Variants in INPP4B observed in about 807,000 individuals in gnomAD.
The protein encoded by INPP4B is inositol polyphosphate 4-phosphatase type II.
A neutral mutation model predicts 122.5 loss-of-function variants in INPP4B; 55 were observed. The ratio of observed to expected loss-of-function variants is 0.45; its 90% CI spans 0.36 to 0.56. The LOEUF is 0.56. Among genes scored for constraint, INPP4B ranks in the 20% least tolerant of loss-of-function variants. The pLI is 0.00. For missense variants in INPP4B, 1,000 were observed against 1,097.7 expected, an observed-to-expected ratio of 0.91 and a Z score of 1.26; for synonymous variants, 403 against 388.7, an observed-to-expected ratio of 1.04 and a Z score of -0.43.
In INPP4B at chr4:142,299,305, G is replaced by A. The variant is rs1579650865; in HGVS notation, c.503+6153C>T. ...GCCTCTCGCATAGCTGGGACTACAA[G>A]CATGCGCCATCACACCCAGCTAATT... On this transcript the variant is annotated intron_variant, in intron 9 of 25. Transcript: ENST00000262992. Among the ~76,000 whole-genome samples the A allele has an allele frequency of 3.7e-5, 5 of 135,236 alleles. 1 individual carries two copies. The South Asian group carries it at 1.1e-3, about 30-fold the overall frequency. 88.7% of individuals were successfully genotyped at this position (135,236 alleles called of 152,430 possible).
At chr4:142,478,412 TG>T in intron 2 of INPP4B, among the ~76,000 whole-genome samples, 1 of 152,336 alleles carries the variant, frequency 6.6e-6, no homozygotes, top group Middle Eastern at 3.4e-3. Context: ...TTGTCATAAA[TG>T]GCTTTTATTA....
intron 2 of INPP4B, among the ~76,000 whole-genome samples, chr4:142,706,243 T>C (rs184974262): frequency 1.3e-5 from 2 of 152,348 alleles, no homozygotes; most frequent in East Asian, 3.8e-4. Flanking sequence ...TGAATACGCA[T>C]AGCACCTTGG....
intron 2 of INPP4B, among the ~76,000 whole-genome samples, chr4:142,475,476 T>A (rs1295357429): frequency 6.6e-6 from 1 of 152,068 alleles, no homozygotes; most frequent in Non-Finnish European, 1.5e-5. Flanking sequence ...TACCCAGAAA[T>A]GGTTCTTACC....
chr4:142,573,926 A>C (rs1022422419), intron 2 of INPP4B, among the ~76,000 whole-genome samples: 1 of 152,088 alleles, frequency 6.6e-6, no homozygotes, highest in East Asian at 1.9e-4. Context: ...GTACCTATTT[A>C]TTTGCATAGA....
At chr4:142,098,667 AT>A (rs1419025304) in intron 23 of INPP4B, among the ~76,000 whole-genome samples, 1 of 152,020 alleles carries the variant, frequency 6.6e-6, no homozygotes, top group Non-Finnish European at 1.5e-5. Flanking sequence ...AAGGGTGGCT[AT>A]TTTTTTCCCC....
intron 25 of INPP4B, among the ~76,000 whole-genome samples, chr4:142,058,129 T>G (rs1332706327): frequency 6.6e-6 from 1 of 152,166 alleles, no homozygotes; most frequent in East Asian, 1.9e-4. Flanking sequence ...CTAGGGGAAC[T>G]AAGTGCTGTT....
At chr4:142,682,281 C>T (rs1306245604) in intron 2 of INPP4B, among the ~76,000 whole-genome samples, 3 of 151,938 alleles carry the variant, frequency 2.0e-5, no homozygotes, top group Non-Finnish European at 4.4e-5. Context: ...CTCTCCCTCT[C>T]TCTCTCTTTC....
intron 21 of INPP4B, among the ~76,000 whole-genome samples, chr4:142,113,723 AAT>A (rs1323018208): frequency 6.6e-6 from 1 of 151,998 alleles, no homozygotes; most frequent in African/African-American, 2.4e-5. Context: ...GTTTTTCAGG[AAT>A]ATGAGAAGCA....
chr4:142,572,117 T>C (rs1260269371), intron 2 of INPP4B, among the ~76,000 whole-genome samples: 1 of 152,130 alleles, frequency 6.6e-6, no homozygotes, highest in African/African-American at 2.4e-5. Flanking sequence ...TCCAAAGCCG[T>C]TTGTGTCTTT....
intron 2 of INPP4B, among the ~76,000 whole-genome samples, chr4:142,617,250 C>T (rs888941380): frequency 1.3e-5 from 2 of 152,146 alleles, no homozygotes; most frequent in South Asian, 4.1e-4. Context: ...CCTACAGCCG[C>T]ACTATTTCTA....
chr4:142,570,043 A>G (rs1381825559), intron 2 of INPP4B, among the ~76,000 whole-genome samples: 1 of 152,142 alleles, frequency 6.6e-6, no homozygotes, highest in Non-Finnish European at 1.5e-5. Context: ...GGAAGTAGAG[A>G]ATAAACACAA....
chr4:142,370,495 A>C (rs1789465967), intron 7 of INPP4B, among the ~76,000 whole-genome samples: 2 of 152,186 alleles, frequency 1.3e-5, no homozygotes, highest in African/African-American at 4.8e-5. Context: ...ATTGGAAAAG[A>C]GGAAGTCAAA....
At chr4:142,581,308 C>T (rs1373632863) in intron 2 of INPP4B, among the ~76,000 whole-genome samples, 1 of 152,020 alleles carries the variant, frequency 6.6e-6, no homozygotes, top group East Asian at 1.9e-4. Context: ...AGTATTTCTA[C>T]ACAGCTGTTA....
chr4:142,533,568 T>A (rs1827863180), intron 2 of INPP4B, among the ~76,000 whole-genome samples: 1 of 152,020 alleles, frequency 6.6e-6, no homozygotes, highest in Non-Finnish European at 1.5e-5. Flanking sequence ...AAGGAGTAAA[T>A]CTATTCTCAA....
chr4:142,751,690 GA>G lies in INPP4B; in HGVS notation c.-253-25790del, dbSNP rs371257757. Reference sequence around the variant, plus strand: ...TTCTGCCTGGAGTATATGGAGCTATGATGAAAGAGAGTACTATCTTGAAGTC... The same window carrying G: ...TTCTGCCTGGAGTATATGGAGCTATGTGAAAGAGAGTACTATCTTGAAGTC... On this transcript the variant is annotated intron_variant, in intron 1 of 25. Transcript: ENST00000262992. Among the ~76,000 whole-genome samples the G allele has an allele frequency of 7.2e-5, 11 of 152,170 alleles. No homozygotes were observed. In the East Asian group the frequency reaches 1.4e-3, roughly 19 times the overall value.
At chr4:142,416,705 G>A (rs1192043503) in intron 5 of INPP4B, among the ~76,000 whole-genome samples, 4 of 152,110 alleles carry the variant, frequency 2.6e-5, no homozygotes, top group African/African-American at 9.7e-5. Context: ...CAGTTTTGAA[G>A]TGCTTAAAGA....
chr4:142,208,362 G>C (rs1843421083), intron 14 of INPP4B, 63 bp downstream of exon 14: 1 of 737,016 alleles, frequency 1.4e-6, no homozygotes, highest in African/African-American at 1.8e-5. Flanking sequence ...CAATAGTCAA[G>C]CTGTTTACAG....
chr4:142,735,106 T>C (rs1432492289), intron 1 of INPP4B, among the ~76,000 whole-genome samples: 1 of 152,224 alleles, frequency 6.6e-6, no homozygotes, highest in African/African-American at 2.4e-5. Context: ...TAGAACACAT[T>C]CTGTTTTTAA....
chr4:142,124,893 G>A, intron 18 of INPP4B, 133 bp from the exon 19 acceptor site: 2 of 684,426 alleles, frequency 2.9e-6, no homozygotes, highest in Non-Finnish European at 4.5e-6. Flanking sequence ...AAAGATTAGA[G>A]CTGAAGATCT....
Sources: gnomAD v4.1 joint callset for allele counts (sites outside exome capture counted in the v4.1 genomes callset) on GRCh38, gnomAD v4.1.1 for gene constraint, MANE v1.5 for transcripts, NCBI Gene and HGNC (gene_info 2026-07-23, HGNC 2026-07-21) for gene names.